PAM: variants seen among roughly 807,000 people sequenced by gnomAD.
PAM encodes peptidyl-glycine alpha-amidating monooxygenase.
Under a neutral mutation model 122.1 loss-of-function variants are expected in PAM, and 72 were observed. The ratio of observed to expected loss-of-function variants is 0.59; its 90% CI spans 0.49 to 0.72. The LOEUF is 0.72. PAM is among the 30% of genes least tolerant of loss of function. PAM has a pLI of 0.00. For missense variants in PAM, 1,106 were observed against 1,183.7 expected, an observed-to-expected ratio of 0.93 and a Z score of 0.96; for synonymous variants, 389 against 404.4, an observed-to-expected ratio of 0.96 and a Z score of 0.46.
At chr5:102,991,235 T>A (rs1424837747) in intron 16 of PAM, among the ~76,000 whole-genome samples, 1 of 152,164 alleles carries the variant, frequency 6.6e-6, no homozygotes, top group Non-Finnish European at 1.5e-5. Flanking sequence ...TGATACTGCT[T>A]TTAATGGAAT....
At chr5:103,010,875 A>G (rs1259337025) in intron 21 of PAM, among the ~76,000 whole-genome samples, 1 of 152,212 alleles carries the variant, frequency 6.6e-6, no homozygotes, top group East Asian at 1.9e-4. Context: ...AATAATAATC[A>G]CATCATAGAA....
chr5:102,924,611 G>A (rs1357885406), intron 5 of PAM, among the ~76,000 whole-genome samples: 1 of 151,988 alleles, frequency 6.6e-6, no homozygotes, highest in Non-Finnish European at 1.5e-5. Flanking sequence ...TGCTGCATTA[G>A]CTTTGGTTTA....
intron 7 of PAM, among the ~76,000 whole-genome samples, chr5:102,929,972 G>T (rs930556757): frequency 6.6e-6 from 1 of 151,934 alleles, no homozygotes; most frequent in Non-Finnish European, 1.5e-5. Flanking sequence ...AAAGCCAAAA[G>T]ATTGGACCAT....
intron 4 of PAM, among the ~76,000 whole-genome samples, chr5:102,910,518 C>T (rs1561855681): frequency 6.6e-6 from 1 of 151,884 alleles, no homozygotes; most frequent in Non-Finnish European, 1.5e-5. Context: ...TGATCTCATA[C>T]ATCAGGCAAT....
At chr5:102,815,970 A>G (rs466199) in intron 1 of PAM, among the ~76,000 whole-genome samples, 102,634 of 151,960 alleles carry the variant, frequency 0.68, 34,896 homozygotes, top group South Asian at 0.8. Flanking sequence ...TCAGTATTTG[A>G]GATTTTTTCA....
chr5:102,909,888 T>C (rs1191791151), intron 4 of PAM, among the ~76,000 whole-genome samples: 3 of 151,920 alleles, frequency 2.0e-5, no homozygotes, highest in Non-Finnish European at 4.4e-5. Context: ...GATCCAAACT[T>C]GCAAGTCGGT....
intron 1 of PAM, among the ~76,000 whole-genome samples, chr5:102,788,535 C>G (rs938875247): frequency 1.3e-5 from 2 of 152,076 alleles, no homozygotes; most frequent in African/African-American, 4.8e-5. Context: ...TATATTTCCA[C>G]TCACAATAGA....
chr5:102,813,426 G>A (rs970403510), intron 1 of PAM, among the ~76,000 whole-genome samples: 2 of 152,142 alleles, frequency 1.3e-5, no homozygotes, highest in African/African-American at 4.8e-5. Context: ...CAGCAAGTGA[G>A]CAATGGAACT....
intron 1 of PAM, among the ~76,000 whole-genome samples, chr5:102,835,702 C>A (rs1371655486): frequency 2.6e-5 from 4 of 151,388 alleles, no homozygotes; most frequent in African/African-American, 9.7e-5. Context: ...AATAATGAGG[C>A]TCATGACATT....
intron 3 of PAM, among the ~76,000 whole-genome samples, chr5:102,897,600 A>G (rs897525047): frequency 2.6e-5 from 4 of 151,686 alleles, no homozygotes; most frequent in Non-Finnish European, 5.9e-5. Flanking sequence ...TCTATGACTT[A>G]TGGCCTATTT....
chr5:102,974,716 A>G (rs1767034725), intron 15 of PAM: 1 of 274,250 alleles, frequency 3.6e-6, no homozygotes, highest in Admixed American at 4.9e-5. Context: ...GAAAGGAGGC[A>G]TATGAAATTC....
chr5:102,889,505 G>A (rs1483504254), intron 3 of PAM, among the ~76,000 whole-genome samples: 1 of 151,742 alleles, frequency 6.6e-6, no homozygotes, highest in East Asian at 1.9e-4. Flanking sequence ...CCTTAACCTA[G>A]CCGTCTTTGT....
At chr5:102,905,773 G>A (rs1799350677) in intron 4 of PAM, among the ~76,000 whole-genome samples, 1 of 151,658 alleles carries the variant, frequency 6.6e-6, no homozygotes. Context: ...TGCTTCCAAT[G>A]AGTTGTCTAA....
intron 3 of PAM, among the ~76,000 whole-genome samples, chr5:102,899,502 T>C (rs1797085516): frequency 6.6e-6 from 1 of 151,742 alleles, no homozygotes. Context: ...TGTTTCCTTT[T>C]CATCATAACC....
intron 1 of PAM, among the ~76,000 whole-genome samples, chr5:102,817,291 A>G (rs1373127202): frequency 2.6e-5 from 4 of 152,266 alleles, no homozygotes; most frequent in Non-Finnish European, 5.9e-5. Flanking sequence ...GAAATACTTC[A>G]TCACTCTAGT....
chr5:102,918,797 T>C (rs1159289228), intron 5 of PAM, among the ~76,000 whole-genome samples: 1 of 152,104 alleles, frequency 6.6e-6, no homozygotes. Flanking sequence ...GCACAGGACA[T>C]AGGGTTTAAA....
At chr5:102,857,941 CATGG>C (rs1231935155) in intron 1 of PAM, among the ~76,000 whole-genome samples, 1 of 152,162 alleles carries the variant, frequency 6.6e-6, no homozygotes, top group Non-Finnish European at 1.5e-5. Context: ...GGATTAAGAG[CATGG>C]ATTCTGGAGT....
chr5:102,952,102 A>G (rs554677878), intron 12 of PAM, among the ~76,000 whole-genome samples: 6 of 152,262 alleles, frequency 3.9e-5, no homozygotes, highest in African/African-American at 1.4e-4. Context: ...CCTTTGTAGT[A>G]AGTAAATAGA....
Position 102,924,961 on chromosome 5 carries a change from T to C in PAM, c.361T>C (p.Cys121Arg), listed in dbSNP as rs1189495817. ...ACTACTTTTTATTTTCTTCAGGTTT[T>C]GTGATGAAGGAACCTGTACAGATAA... ...MPSSTGSYWF[C>R]DEGTCTDKAN... The change falls in exon 6 of 26, where the codon TGT becomes CGT. Residue 121 changes from cysteine to arginine, a missense_variant. Physicochemically the swap from Cys to Arg is radical, Grantham distance 180 (BLOSUM62 -3). This residue lies in a region of PAM where 670 missense variants were observed against 690.3 expected (regional missense o/e 0.97). Coordinates refer to ENST00000438793, the MANE Select transcript of PAM (RefSeq NM_001177306.2). 1.3e-6 allele frequency: 2 copies of C among 1,492,786 alleles called. No homozygotes were observed. Among genetic ancestry groups the C allele is most frequent in the Non-Finnish European group, 1.9e-6 (2 of 1,069,376 alleles). The allele number at this position is 1,492,786 out of a possible 1,614,324, so 92.5% of individuals were successfully genotyped here.
Sources: gnomAD v4.1 joint callset for allele counts (sites outside exome capture counted in the v4.1 genomes callset) on GRCh38, gnomAD v4.1.1 for gene constraint, gnomAD v4.1.1 regional missense constraint, MANE v1.5 for transcripts, NCBI Gene and HGNC (gene_info 2026-07-23, HGNC 2026-07-21) for gene names.